Variants in USP44 observed in about 807,000 individuals in gnomAD.
USP44 encodes ubiquitin specific peptidase 44.
A neutral mutation model predicts 69.0 loss-of-function variants in USP44; 61 were observed. That is an observed-to-expected ratio of 0.88 (90% confidence interval 0.72 to 1.09). USP44 has a LOEUF of 1.09. Ranked by LOEUF, USP44 falls within the 50% of genes least tolerant of loss-of-function variation. The pLI, the probability that USP44 is intolerant of heterozygous loss-of-function variation, is 0.00. For missense variants in USP44, 753 were observed against 849.9 expected (o/e 0.89, Z 1.42); for synonymous variants, 297 against 295.4 (o/e 1.01, Z -0.06).
At chr12:95,530,820 G>A (rs1298704571) in intron 2 of USP44, among the ~76,000 whole-genome samples, 1 of 151,978 alleles carries the variant, frequency 6.6e-6, no homozygotes, top group African/African-American at 2.4e-5. Context: ...TTATAATAAT[G>A]AAAAAAATTA....
intron 1 of USP44, chr12:95,546,795 G>A (rs954196769): frequency 6.6e-6 from 1 of 152,062 alleles, no homozygotes; most frequent in African/African-American, 2.4e-5. Flanking sequence ...TTTACACGGG[G>A]GTTTTTCCTC....
At chr12:95,536,731 T>C (rs1592722159) in intron 1 of USP44, among the ~76,000 whole-genome samples, 1 of 152,324 alleles carries the variant, frequency 6.6e-6, no homozygotes, top group East Asian at 1.9e-4. Context: ...CTGTCCTTAC[T>C]GCCACCAACA....
intron 1 of USP44, among the ~76,000 whole-genome samples, chr12:95,536,174 C>T (rs1276289697): frequency 6.6e-6 from 1 of 151,612 alleles, no homozygotes; most frequent in Non-Finnish European, 1.5e-5. Context: ...TCCCCAGTAG[C>T]TGAGACCACA....
intron 1 of USP44, among the ~76,000 whole-genome samples, chr12:95,542,261 A>C (rs752332499): frequency 6.6e-5 from 10 of 152,196 alleles, no homozygotes; most frequent in Non-Finnish European, 1.3e-4. Context: ...TTATGTGTGC[A>C]TACATCCTTA....
At chr12:95,532,456 C>G (rs2077051366) in intron 2 of USP44, among the ~76,000 whole-genome samples, 1 of 152,018 alleles carries the variant, frequency 6.6e-6, no homozygotes, top group South Asian at 2.1e-4. Flanking sequence ...GTGTGAGCCC[C>G]CACGCCCGGC....
At chr12:95,543,430 A>G (rs1254059247) in intron 1 of USP44, among the ~76,000 whole-genome samples, 1 of 149,504 alleles carries the variant, frequency 6.7e-6, no homozygotes, top group East Asian at 2.0e-4. Context: ...AAAAAAAAAG[A>G]AAAAGAAAAA....
Position 95,534,205 on chromosome 12 carries a change from C to T in USP44, c.52G>A (p.Asp18Asn). 1 of 1,613,954 alleles carries T rather than the reference C, an allele frequency of 6.2e-7. No individual in the cohort carries two copies. Among genetic ancestry groups the T allele is most frequent in the Non-Finnish European group, 8.5e-7 (1 of 1,179,928 alleles). ...KHVGQLQLAQ[D>N]HSSLNPQKWH... Reference sequence around the variant, plus strand: ...TTCTGAGGGTTGAGGCTGGAATGGTCTTGAGCAAGCTGCAGCTGCCCAACA... The same window carrying T: ...TTCTGAGGGTTGAGGCTGGAATGGTTTTGAGCAAGCTGCAGCTGCCCAACA... Residue 18 changes from aspartate to asparagine, a missense_variant, in exon 2 of 6, where the codon GAC becomes AAC. Physicochemically the swap from Asp to Asn is conservative, Grantham distance 23. Coordinates refer to ENST00000258499, the MANE Select transcript of USP44 (RefSeq NM_032147.5).
At chr12:95,527,550 T>A (rs1160135735) in intron 3 of USP44, among the ~76,000 whole-genome samples, 1 of 152,114 alleles carries the variant, frequency 6.6e-6, no homozygotes, top group Non-Finnish European at 1.5e-5. Context: ...AGTGGCACGA[T>A]CTTGGCTCAC....
chr12:95,526,852 C>T (rs2076852560), intron 3 of USP44, among the ~76,000 whole-genome samples: 1 of 152,028 alleles, frequency 6.6e-6, no homozygotes. Context: ...CACTATACTA[C>T]ACTATATGTT....
chr12:95,521,132 G>C lies in USP44; in HGVS notation c.1804C>G (p.Pro602Ala), dbSNP rs74762990. The C allele has an allele frequency of 6.2e-7, 1 of 1,613,920 alleles. No individual in the cohort carries two copies. Among genetic ancestry groups the C allele is most frequent in the South Asian group, 1.1e-5 (1 of 91,070 alleles). ...TTCAGGGTCTCCCTGCAGCAATAGGGCTCCATGTTTAAGATTTCCTCAAAG... is the reference window on the plus strand; with the variant it reads ...TTCAGGGTCTCCCTGCAGCAATAGGCCTCCATGTTTAAGATTTCCTCAAAG... ...VGFEEILNME[P>A]YCCRETLKSL... Residue 602 changes from proline to alanine, a missense_variant, in exon 5 of 6, where the codon CCC becomes GCC. Physicochemically the swap from Pro to Ala is conservative, Grantham distance 27. Transcript: ENST00000258499.
At chr12:95,538,545 G>T (rs1286917425) in intron 1 of USP44, among the ~76,000 whole-genome samples, 1 of 150,008 alleles carries the variant, frequency 6.7e-6, no homozygotes, top group African/African-American at 2.5e-5. Flanking sequence ...ATTTTAAAAG[G>T]GGGGGGTCTC....
chr12:95,533,134 T>G lies in USP44; in HGVS notation c.1123A>C (p.Thr375Pro). 1 of 1,614,252 alleles carries G rather than the reference T, an allele frequency of 6.2e-7. No individual in the cohort carries two copies. ...KMELIQPKEP[T>P]SQYISLCHEL... ...TGACAAAGAGAAATGTACTGTGAAG[T>G]TGGCTCCTTTGGCTGAATAAGTTCC... The change falls in exon 2 of 6, where the codon ACT (threonine) becomes CCT (proline). Residue 375 changes from threonine (T) to proline (P), a missense_variant. Thr to Pro is a conservative substitution (Grantham distance 38, BLOSUM62 -1). Transcript: ENST00000258499.
intron 1 of USP44, among the ~76,000 whole-genome samples, chr12:95,539,091 A>G (rs957848781): frequency 6.6e-6 from 1 of 152,248 alleles, no homozygotes; most frequent in South Asian, 2.1e-4. Flanking sequence ...AATGAAATCT[A>G]TAAGGATTAA....
intron 1 of USP44, among the ~76,000 whole-genome samples, chr12:95,550,004 C>T (rs1337417727): frequency 6.6e-6 from 1 of 151,964 alleles, no homozygotes; most frequent in Non-Finnish European, 1.5e-5. Flanking sequence ...CATAGTGAAA[C>T]CCTGTCTCTA....
Position 95,518,068 on chromosome 12 carries a change from A to G in USP44, c.*86T>C. The G allele has an allele frequency of 1.4e-6, 2 of 1,457,134 alleles. No homozygotes were observed. 90.3% of individuals were successfully genotyped at this position (1,457,134 alleles called of 1,614,324 possible). A position where few individuals can be genotyped will look rare whatever the true frequency, so the allele number is the denominator to read the frequency against. ...ATAAATGTAGTATACACTGATTCAC[A>G]AGAAAAAATGAAGTTTAAAATGGTA... On this transcript the variant is annotated 3_prime_UTR_variant, in exon 6 of 6. Coordinates refer to ENST00000258499, the MANE Select transcript of USP44 (RefSeq NM_032147.5).
Position 95,528,934 on chromosome 12 carries a change from A to G in USP44, c.1497T>C (p.Phe499=), listed in dbSNP as rs1174624479. 3 of 1,613,922 alleles carry G rather than the reference A, an allele frequency of 1.9e-6. No individual in the cohort carries two copies. Among genetic ancestry groups the G allele is most frequent in the Non-Finnish European group, 2.5e-6 (3 of 1,179,992 alleles). ...TTCCACTGCATTGATACCTTTCTGG[A>G]AACTCCAATGACAAGTCCCAGAAAG... ...IEPFWDLSLE[F]PERYQCSGKD... is the part of the protein sequence containing the mutation. The change falls in exon 3 of 6, where the codon TTT becomes TTC. Residue 499 remains phenylalanine (F), a synonymous_variant. Transcript: ENST00000258499.
rs377187350 is a variant in USP44, at chr12:95,518,237, T to G, written c.2056A>C (p.Lys686Gln). The G allele has an allele frequency of 4.2e-5, 68 of 1,614,102 alleles. No individual in the cohort carries two copies. The African/African-American group carries it at 8.3e-4, about 20-fold the overall frequency. Residue 686 changes from lysine (K) to glutamine (Q), a missense_variant, in exon 6 of 6, where the codon AAA (lysine) becomes CAA (glutamine). Lys to Gln is a moderately conservative substitution (Grantham distance 53). Coordinates refer to ENST00000258499, the MANE Select transcript of USP44 (RefSeq NM_032147.5). Reference sequence around the variant, plus strand: ...AACAGGAGCTCTGGAGGCAAAAGTTTAGAATGTCCATTCTCAGTAACTCGT... The same window carrying G: ...AACAGGAGCTCTGGAGGCAAAAGTTGAGAATGTCCATTCTCAGTAACTCGT... ...TQRVTENGHSKLLPPELLLGS... is the reference protein window; with the variant it reads ...TQRVTENGHSQLLPPELLLGS...
chr12:95,525,034 G>A (rs1392287659), intron 3 of USP44, among the ~76,000 whole-genome samples: 5 of 152,116 alleles, frequency 3.3e-5, no homozygotes, highest in Admixed American at 1.3e-4. Context: ...TAATAATCTT[G>A]CATATAATGT....
intron 1 of USP44, among the ~76,000 whole-genome samples, chr12:95,536,528 G>C (rs765888555): frequency 1.3e-5 from 2 of 152,060 alleles, no homozygotes; most frequent in Non-Finnish European, 2.9e-5. Flanking sequence ...TCTGTACTGA[G>C]GCAAGAAACC....
Sources: gnomAD v4.1 joint callset for allele counts (sites outside exome capture counted in the v4.1 genomes callset) on GRCh38, gnomAD v4.1.1 for gene constraint, MANE v1.5 for transcripts, NCBI Gene and HGNC (gene_info 2026-07-23, HGNC 2026-07-21) for gene names.